MDGA2: variants seen among roughly 807,000 people sequenced by gnomAD.
MDGA2 encodes the protein MAM domain-containing glycosylphosphatidylinositol anchor protein 2.
In MDGA2, 40 loss-of-function variants were observed where a neutral mutation model predicts 117.8. The ratio of observed to expected loss-of-function variants is 0.34; its 90% CI spans 0.26 to 0.44. MDGA2 has a LOEUF of 0.44. Ranked by LOEUF, MDGA2 falls within the 20% of genes least tolerant of loss-of-function variation. MDGA2 has a pLI of 1.00. For synonymous variants in MDGA2, 452 were observed against 439.0 expected (o/e 1.03, Z -0.37); for missense variants, 1,123 against 1,250.6 (o/e 0.90, Z 1.54).
chr14:47,174,293 C>A (rs1197977111), intron 3 of MDGA2, among the ~76,000 whole-genome samples: 1 of 152,048 alleles, frequency 6.6e-6, no homozygotes, highest in Admixed American at 6.6e-5. Context: ...CTGCACCAAG[C>A]GGACCTAATA....
intron 14 of MDGA2, among the ~76,000 whole-genome samples, chr14:46,856,754 A>G (rs547404481): frequency 1.3e-5 from 2 of 151,734 alleles, no homozygotes; most frequent in East Asian, 3.9e-4. Context: ...CTCTCCTTCC[A>G]TTCCTTTTTA....
intron 1 of MDGA2, among the ~76,000 whole-genome samples, chr14:47,316,463 G>A (rs1206512942): frequency 6.6e-6 from 1 of 151,786 alleles, no homozygotes; most frequent in Non-Finnish European, 1.5e-5. Context: ...AATAAATGAA[G>A]GAAAATTATT....
At chr14:47,253,205 C>G (rs569056029) in intron 2 of MDGA2, among the ~76,000 whole-genome samples, 8 of 152,100 alleles carry the variant, frequency 5.3e-5, no homozygotes, top group Non-Finnish European at 8.8e-5. Flanking sequence ...ATCTCATGTC[C>G]TCACATTTCA....
chr14:47,371,010 T>C (rs1269883455), intron 1 of MDGA2, among the ~76,000 whole-genome samples: 1 of 151,892 alleles, frequency 6.6e-6, no homozygotes, highest in Non-Finnish European at 1.5e-5. Flanking sequence ...AAATATCCTT[T>C]GACTTGAAAA....
chr14:47,131,663 A>G, intron 5 of MDGA2, 51 bp downstream of exon 5: 1 of 1,392,432 alleles, frequency 7.2e-7, no homozygotes, highest in Non-Finnish European at 9.7e-7. Context: ...GAGAGTTTTT[A>G]AACATTAGTT....
chr14:47,517,773 C>T (rs17118842), intron 1 of MDGA2, among the ~76,000 whole-genome samples: 15,758 of 152,056 alleles, frequency 0.1, 922 homozygotes, highest in Middle Eastern at 0.15. Flanking sequence ...ATGAAACTGA[C>T]AAAAAATGTT....
At chr14:47,289,286 A>G (rs142062816) in intron 2 of MDGA2, among the ~76,000 whole-genome samples, 3 of 138,358 alleles carry the variant, frequency 2.2e-5, no homozygotes, top group African/African-American at 8.1e-5. Context: ...ATAACAAATA[A>G]CTCATACTTT....
At chr14:47,415,095 T>G (rs2138494261) in intron 1 of MDGA2, among the ~76,000 whole-genome samples, 1 of 152,222 alleles carries the variant, frequency 6.6e-6, no homozygotes, top group African/African-American at 2.4e-5. Context: ...ATGAAGACTC[T>G]TTGGAAAAAT....
intron 3 of MDGA2, among the ~76,000 whole-genome samples, chr14:47,163,899 T>C (rs1044886169): frequency 5.9e-5 from 9 of 152,164 alleles, no homozygotes; most frequent in Non-Finnish European, 4.4e-5. Flanking sequence ...ACAGCACACA[T>C]TGAGAAATTC....
intron 10 of MDGA2, among the ~76,000 whole-genome samples, chr14:46,888,243 A>T (rs1010873601): frequency 6.6e-6 from 1 of 151,964 alleles, no homozygotes; most frequent in Non-Finnish European, 1.5e-5. Flanking sequence ...ACTAAATGCA[A>T]TGTTTGCACA....
chr14:47,183,639 T>C (rs1884796424), intron 3 of MDGA2, among the ~76,000 whole-genome samples: 1 of 152,140 alleles, frequency 6.6e-6, no homozygotes, highest in Non-Finnish European at 1.5e-5. Context: ...TAATAGCATA[T>C]TTATTGATCA....
intron 1 of MDGA2, among the ~76,000 whole-genome samples, chr14:47,455,373 G>A (rs1398145293): frequency 6.6e-6 from 1 of 152,004 alleles, no homozygotes; most frequent in Non-Finnish European, 1.5e-5. Flanking sequence ...GGCTGTGGTG[G>A]CACACGACTG....
chr14:47,215,427 TG>T (rs967963142), intron 3 of MDGA2, among the ~76,000 whole-genome samples: 2 of 152,088 alleles, frequency 1.3e-5, no homozygotes, highest in African/African-American at 4.8e-5. Flanking sequence ...TGATAAAGCA[TG>T]TTTTAAATTA....
chr14:47,448,295 T>A (rs931051118), intron 1 of MDGA2, among the ~76,000 whole-genome samples: 1 of 151,984 alleles, frequency 6.6e-6, no homozygotes, highest in African/African-American at 2.4e-5. Context: ...TGTGCTGCCA[T>A]GCTCAACTAA....
chr14:47,147,398 G>C (rs928535114), intron 3 of MDGA2, among the ~76,000 whole-genome samples: 3 of 152,138 alleles, frequency 2.0e-5, no homozygotes, highest in East Asian at 1.9e-4. Context: ...ATCAAGGGGA[G>C]GGTTGAACTA....
At chr14:47,647,442 T>C (rs904118446) in intron 1 of MDGA2, among the ~76,000 whole-genome samples, 2 of 150,706 alleles carry the variant, frequency 1.3e-5, no homozygotes, top group African/African-American at 4.9e-5. Flanking sequence ...AAAAAAAAAA[T>C]GATAATTTAT....
chr14:47,172,937 T>C (rs1038997075), intron 3 of MDGA2, among the ~76,000 whole-genome samples: 1 of 151,936 alleles, frequency 6.6e-6, no homozygotes, highest in Non-Finnish European at 1.5e-5. Context: ...GAATAACCAA[T>C]ACAGAGAAGT....
In MDGA2 at chr14:47,252,704, C is replaced by A. The variant is rs569902278; in HGVS notation, c.421-34509G>T. On this transcript the variant is annotated intron_variant, in intron 2 of 16. Transcript: ENST00000399232. The stretch of plus-strand genomic sequence containing the variant: ...ACAGATATGAAAATGCTAAACAGAT[C>A]TGTATGTTAGAATACAGCAAGAACT... 1.2e-4 allele frequency among the ~76,000 whole-genome samples: 19 copies of A among 152,230 alleles called. 1 individual carries two copies. Among genetic ancestry groups the A allele is most frequent in the African/African-American group, 4.3e-4 (18 of 41,536 alleles).
chr14:47,620,801 A>T (rs1897036326), intron 1 of MDGA2, among the ~76,000 whole-genome samples: 1 of 152,158 alleles, frequency 6.6e-6, no homozygotes. Flanking sequence ...CCAGCAGTAA[A>T]TGATTGGGTA....
Sources: allele counts gnomAD v4.1 joint callset (sites outside exome capture counted in the v4.1 genomes callset), GRCh38; gene constraint gnomAD v4.1.1; transcripts MANE v1.5; gene names NCBI Gene and HGNC (gene_info 2026-07-23, HGNC 2026-07-21).